CACNB2: variants seen among roughly 807,000 people sequenced by gnomAD.
CACNB2 encodes calcium voltage-gated channel auxiliary subunit beta 2.
A neutral mutation model predicts 73.3 loss-of-function variants in CACNB2; 42 were observed. The ratio of observed to expected loss-of-function variants is 0.57; its 90% CI spans 0.45 to 0.74. The LOEUF (loss-of-function observed/expected upper bound fraction) is 0.74. Among genes scored for constraint, CACNB2 ranks in the 30% least tolerant of loss-of-function variants. The pLI, the probability that CACNB2 is intolerant of heterozygous loss-of-function variation, is 0.00. For synonymous variants in CACNB2, 348 were observed against 310.3 expected (o/e 1.12, Z -1.28); for missense variants, 940 against 853.0 (o/e 1.10, Z -1.27).
chr10:18,218,502 G>A (rs1214964002), intron 2 of CACNB2, among the ~76,000 whole-genome samples: 2 of 152,168 alleles, frequency 1.3e-5, no homozygotes, highest in African/African-American at 2.4e-5. Flanking sequence ...ATGTGTATGT[G>A]TAGCACTGCC....
chr10:18,192,296 T>C (rs1588664949), intron 2 of CACNB2, among the ~76,000 whole-genome samples: 1 of 61,374 alleles, frequency 1.6e-5, no homozygotes, highest in East Asian at 3.7e-4. Flanking sequence ...TCATGTATTA[T>C]AATTCATTGA....
intron 2 of CACNB2, chr10:18,238,264 G>A (rs1048791331): frequency 1.3e-5 from 2 of 152,140 alleles, no homozygotes; most frequent in African/African-American, 4.8e-5. Flanking sequence ...GCACTGTTTT[G>A]TGAAACTCTT....
intron 1 of CACNB2, among the ~76,000 whole-genome samples, chr10:18,142,927 A>G (rs2030572211): frequency 6.6e-6 from 1 of 152,224 alleles, no homozygotes; most frequent in South Asian, 2.1e-4. Context: ...ATCTGTAAGG[A>G]CTTCATTGAT....
At chr10:18,185,120 G>A (rs1020316376) in intron 2 of CACNB2, among the ~76,000 whole-genome samples, 5 of 152,226 alleles carry the variant, frequency 3.3e-5, no homozygotes, top group South Asian at 2.1e-4. Context: ...GGATTATAGC[G>A]TGAGCCACCA....
Position 18,539,223 on chromosome 10 carries a change from C to T in CACNB2, c.1489-7C>T. ...GTTAACGCCTGGTGTGCTCCTTTCG[C>T]TGCCAGGGTTCTCAAGGTGATCAGA... On this transcript the variant is annotated splice_polypyrimidine_tract_variant and splice_region_variant and intron_variant, in intron 13 of 13. Transcript: ENST00000324631. 2 of 1,614,002 alleles carry T rather than the reference C, an allele frequency of 1.2e-6. No homozygotes were observed. The highest frequency in any genetic ancestry group is 1.7e-6 in the Non-Finnish European group (2 of 1,180,008).
chr10:18,267,873 C>T (rs983834132), intron 2 of CACNB2, among the ~76,000 whole-genome samples: 2 of 152,178 alleles, frequency 1.3e-5, no homozygotes, highest in Admixed American at 6.5e-5. Flanking sequence ...GGCAGCGGCC[C>T]AGCCTTTGCA....
chr10:18,146,486 T>G (rs1037930262), intron 1 of CACNB2, among the ~76,000 whole-genome samples: 45 of 151,718 alleles, frequency 3.0e-4, no homozygotes, highest in Non-Finnish European at 4.9e-4. Flanking sequence ...ATTTTTTTTT[T>G]TTGTTTTTCG....
intron 2 of CACNB2, among the ~76,000 whole-genome samples, chr10:18,191,469 G>C (rs535350134): frequency 1.3e-5 from 2 of 152,172 alleles, no homozygotes; most frequent in African/African-American, 4.8e-5. Context: ...TAAGTTATTG[G>C]GGTACAGGTG....
At chr10:18,296,955 A>G (rs192388109) in intron 2 of CACNB2, among the ~76,000 whole-genome samples, 37 of 152,370 alleles carry the variant, frequency 2.4e-4, no homozygotes, top group Non-Finnish European at 3.2e-4. Flanking sequence ...AATGAGGATA[A>G]TAACACTTTT....
chr10:18,242,864 G>T (rs1174853748), intron 2 of CACNB2, among the ~76,000 whole-genome samples: 1 of 150,628 alleles, frequency 6.6e-6, no homozygotes, highest in Non-Finnish European at 1.5e-5. Flanking sequence ...AAAAACATTA[G>T]CCGGGCATGG....
intron 2 of CACNB2, among the ~76,000 whole-genome samples, chr10:18,171,521 GAAAAAA>G (rs370201485): frequency 0.15 from 4,883 of 31,780 alleles, 48 homozygotes; most frequent in East Asian, 0.37. Flanking sequence ...TTTGATAGCA[GAAAAAA>G]AAAAAAAAAA....
intron 1 of CACNB2, among the ~76,000 whole-genome samples, chr10:18,143,125 GCAATTTGAGACTA>G (rs2030600860): frequency 6.6e-6 from 1 of 152,194 alleles, no homozygotes; most frequent in Non-Finnish European, 1.5e-5. Flanking sequence ...AACTGACAAA[GCAATTTGAGACTA>G]CATCTTGGGG....
intron 2 of CACNB2, among the ~76,000 whole-genome samples, chr10:18,249,515 C>A (rs1194657030): frequency 6.6e-6 from 1 of 152,196 alleles, no homozygotes; most frequent in Non-Finnish European, 1.5e-5. Context: ...ACCTCGCTCT[C>A]TTTATTGAAC....
chr10:18,198,921 T>C (rs965948416), intron 2 of CACNB2, among the ~76,000 whole-genome samples: 4 of 152,246 alleles, frequency 2.6e-5, no homozygotes, highest in Non-Finnish European at 5.9e-5. Context: ...CTCATTAATA[T>C]AGCATGGCAT....
intron 2 of CACNB2, among the ~76,000 whole-genome samples, chr10:18,359,341 G>A (rs4748456): frequency 0.08 from 12,154 of 152,064 alleles, 643 homozygotes; most frequent in Non-Finnish European, 0.12. Flanking sequence ...GCGCCATCTC[G>A]GCTCACTGCA....
At chr10:18,252,521 C>A (rs539445671) in intron 2 of CACNB2, among the ~76,000 whole-genome samples, 63 of 152,230 alleles carry the variant, frequency 4.1e-4, no homozygotes, top group African/African-American at 1.4e-3. Context: ...TTTTGTATTG[C>A]CATCTTTGCT....
intron 2 of CACNB2, among the ~76,000 whole-genome samples, chr10:18,307,522 G>A (rs1193510049): frequency 6.6e-6 from 1 of 152,156 alleles, no homozygotes. Flanking sequence ...TGTAACAATT[G>A]TTTGTTTTTT....
Position 18,245,277 on chromosome 10 carries a change from A to G in CACNB2, c.213+94302A>G, listed in dbSNP as rs1441702787. 2.6e-5 allele frequency among the ~76,000 whole-genome samples: 4 copies of G among 152,294 alleles called. No homozygotes were observed. The East Asian group carries it at 7.7e-4, about 29-fold the overall frequency. ...TTTGTGTGTCCAGATGAACTAAGGT[A>G]GAACTGCTGTAAGGAAACCTGCAGC... is the stretch of plus-strand genomic sequence containing the variant. On this transcript the variant is annotated intron_variant, in intron 2 of 13. Coordinates refer to ENST00000324631, the MANE Select transcript of CACNB2 (RefSeq NM_201596.3).
At chr10:18,266,229 T>C (rs1196029524) in intron 2 of CACNB2, among the ~76,000 whole-genome samples, 1 of 152,142 alleles carries the variant, frequency 6.6e-6, no homozygotes, top group Non-Finnish European at 1.5e-5. Flanking sequence ...ATTTTATAGA[T>C]GAGAAAATTT....
Sources: allele counts gnomAD v4.1 joint callset (sites outside exome capture counted in the v4.1 genomes callset), GRCh38; gene constraint gnomAD v4.1.1; transcripts MANE v1.5; gene names NCBI Gene and HGNC (gene_info 2026-07-23, HGNC 2026-07-21).